The following SAMD9 variants were observed in gnomAD, a reference collection of about 807,000 sequenced individuals.
The protein encoded by SAMD9 is sterile alpha motif domain-containing protein 9.
Under a neutral mutation model 1.5 loss-of-function variants are expected in SAMD9, and 3 were observed. The observed-to-expected ratio is 2.05, with a 90% CI of 0.93 to 5.29. The LOEUF (loss-of-function observed/expected upper bound fraction) is 5.29. Among genes scored for constraint, SAMD9 ranks in the 30% most tolerant of loss-of-function variants. The pLI, the probability that SAMD9 is intolerant of heterozygous loss-of-function variation, is 0.02. For synonymous variants in SAMD9, 635 were observed against 631.9 expected (o/e 1.00, Z -0.07); for missense variants, 1,597 against 1,820.8 (o/e 0.88, Z 2.24).
Position 93,106,015 on chromosome 7 carries a change from A to G in SAMD9, c.83T>C (p.Ile28Thr), listed in dbSNP as rs776674692. The G allele has an allele frequency of 2.3e-5, 37 of 1,594,610 alleles. No individual in the cohort carries two copies. The highest frequency in any genetic ancestry group is 3.4e-4 in the Middle Eastern group (2 of 5,956). The change falls in exon 3 of 3, where the codon ATT (isoleucine) becomes ACT (threonine). Residue 28 changes from isoleucine (I) to threonine (T), a missense_variant. Coordinates refer to ENST00000379958, the MANE Select transcript of SAMD9 (RefSeq NM_017654.4). ...CAAAATTTCCCTGTGTTTTTGGTCA[A>G]TCTTATGACTTTCTAACCACTGATT... Reference protein sequence around the residue: ...DVNQWLESHKIDQKHREILTE... With the variant: ...DVNQWLESHKTDQKHREILTE...
rs555431592 is a variant in SAMD9 at position 93,101,805 on chromosome 7, C to T, written c.4293G>A (p.Pro1431=). ...PIGLTYQFSE[P]YFLASLLFWP... Reference sequence around the variant, plus strand: ...AGAATAAGAGGGAAGCTAGAAAATACGGTTCTGAAAACTGATAAGTCAGTC... The same window carrying T: ...AGAATAAGAGGGAAGCTAGAAAATATGGTTCTGAAAACTGATAAGTCAGTC... Residue 1431 remains proline (P), a synonymous_variant, in exon 3 of 3, where the codon CCG becomes CCA. Coordinates refer to ENST00000379958, the MANE Select transcript of SAMD9 (RefSeq NM_017654.4). 5.9e-5 allele frequency: 95 copies of T among 1,613,692 alleles called. No individual in the cohort carries two copies. The highest frequency in any genetic ancestry group is 3.8e-4 in the East Asian group (17 of 44,864).
chr7:93,108,532 G>T (rs752410207), intron 2 of SAMD9, among the ~76,000 whole-genome samples: 1 of 152,084 alleles, frequency 6.6e-6, no homozygotes, highest in African/African-American at 2.4e-5. Flanking sequence ...TCAAGGGGTC[G>T]GAGAATTCCC....
rs142131920 is a variant in SAMD9 at position 93,105,519 on chromosome 7, C to A, written c.579G>T (p.Pro193=). Residue 193 remains proline (P), a synonymous_variant, in exon 3 of 3, where the codon CCG becomes CCT. Transcript: ENST00000379958. ...PETGPGNLID[P]IHEFKAFTNT... is the part of the protein sequence containing the mutation. ...TTGTGAAGGCTTTGAATTCATGTAT[C>A]GGATCAATGAGATTGCCTGGTCCTG... 9 of 1,613,918 alleles carry A rather than the reference C, an allele frequency of 5.6e-6. No homozygotes were observed. In the East Asian group the frequency reaches 2.0e-4, roughly 36 times the overall value.
At position 93,103,607 on chromosome 7, in the gene SAMD9, T is replaced by C. The variant is rs1315086645; in HGVS notation, c.2491A>G (p.Ile831Val). 2 of 1,613,484 alleles carry C rather than the reference T, an allele frequency of 1.2e-6. No homozygotes were observed. Among genetic ancestry groups the C allele is most frequent in the Non-Finnish European group, 1.7e-6 (2 of 1,179,658 alleles). The change falls in exon 3 of 3, where the codon ATT (isoleucine) becomes GTT (valine). Residue 831 changes from isoleucine (I) to valine (V), a missense_variant. Physicochemically the swap from Ile to Val is conservative, Grantham distance 29. This residue lies in a region of SAMD9 where 55 missense variants were observed against 58.6 expected (regional missense o/e 0.94). Coordinates refer to ENST00000379958, the MANE Select transcript of SAMD9 (RefSeq NM_017654.4). ...TGTGATCTCATACAATTTAGGATAA[T>C]CACCAGAGGTTTTTCATATCGAATG... ...KYIRYEKPLV[I>V]ILNCMRSQNP...
intron 2 of SAMD9, among the ~76,000 whole-genome samples, chr7:93,111,882 A>C (rs560216846): frequency 1.1e-4 from 16 of 152,338 alleles, no homozygotes; most frequent in African/African-American, 3.6e-4. Context: ...CAGAGGTACA[A>C]AGAGGAGCTG....
At chr7:93,109,612 A>G (rs979970334) in intron 2 of SAMD9, among the ~76,000 whole-genome samples, 1 of 152,230 alleles carries the variant, frequency 6.6e-6, no homozygotes, top group South Asian at 2.1e-4. Context: ...AAGACCTTAA[A>G]TGACCTGATG....
At chr7:93,107,284 T>C (rs1791662123) in intron 2 of SAMD9, among the ~76,000 whole-genome samples, 1 of 152,214 alleles carries the variant, frequency 6.6e-6, no homozygotes, top group Non-Finnish European at 1.5e-5. Context: ...TTCTGTTCCA[T>C]GTCATCTGGA....
At chr7:93,109,366 G>A (rs897379769) in intron 2 of SAMD9, among the ~76,000 whole-genome samples, 1 of 152,170 alleles carries the variant, frequency 6.6e-6, no homozygotes, top group African/African-American at 2.4e-5. Context: ...GAGCAGAAAA[G>A]CTGAAAATTC....
intron 1 of SAMD9, among the ~76,000 whole-genome samples, chr7:93,115,324 T>C (rs1562780044): frequency 6.6e-6 from 1 of 152,212 alleles, no homozygotes; most frequent in Non-Finnish European, 1.5e-5. Flanking sequence ...TATCAGTTTT[T>C]GTGAAGTTAA....
Position 93,106,085 on chromosome 7 carries a change from G to T in SAMD9, c.13C>A (p.Leu5Ile), listed in dbSNP as rs781032261. 2.3e-5 allele frequency: 37 copies of T among 1,590,662 alleles called. No individual in the cohort carries two copies. In the African/African-American group the frequency reaches 4.9e-4, roughly 21 times the overall value. MAKQ[L>I]NLPENTDDWT... Reference sequence around the variant, plus strand: ...TCATCTGTATTTTCTGGAAGGTTAAGTTGCTTTGCCATTCTGATACCTATA... The same window carrying T: ...TCATCTGTATTTTCTGGAAGGTTAATTTGCTTTGCCATTCTGATACCTATA... The change falls in exon 3 of 3, where the codon CTT (leucine) becomes ATT (isoleucine). Residue 5 changes from leucine (L) to isoleucine (I), a missense_variant. Transcript: ENST00000379958.
Position 93,103,842 on chromosome 7 carries a change from C to G in SAMD9, c.2256G>C (p.Trp752Cys), listed in dbSNP as rs1378693567. ...GGTTLAMHIL[W>C]ELRKKFRCAV... is the part of the protein sequence containing the mutation. ...CACATCTGAATTTCTTCCTTAGTTC[C>G]CAGAGAATGTGCATAGCCAAGGTAG... Residue 752 changes from tryptophan (W) to cysteine (C), a missense_variant, in exon 3 of 3, where the codon TGG (tryptophan) becomes TGC (cysteine). Trp to Cys is a radical substitution (Grantham distance 215). Coordinates refer to ENST00000379958, the MANE Select transcript of SAMD9 (RefSeq NM_017654.4). The G allele has an allele frequency of 1.2e-5, 20 of 1,613,766 alleles. No homozygotes were observed. Among genetic ancestry groups the G allele is most frequent in the South Asian group, 6.6e-5 (6 of 91,080 alleles).
In SAMD9 at chr7:93,103,379, C is replaced by T. The variant is rs745326169; in HGVS notation, c.2719G>A (p.Gly907Arg). 2.5e-6 allele frequency: 4 copies of T among 1,613,268 alleles called. No homozygotes were observed. The East Asian group carries it at 6.7e-5, about 27-fold the overall frequency. Reference sequence around the variant, plus strand: ...GCTTCCTTGGTGAAAATATTCTGCCCTTTCAGGATATTCCGGACCACATTT... The same window carrying T: ...GCTTCCTTGGTGAAAATATTCTGCCTTTTCAGGATATTCCGGACCACATTT... ...IENVVRNILKGQNIFTKEAKL... is the reference protein window; with the variant it reads ...IENVVRNILKRQNIFTKEAKL... The change falls in exon 3 of 3, where the codon GGG (glycine) becomes AGG (arginine). Residue 907 changes from glycine to arginine, a missense_variant. Gly to Arg is a moderately radical substitution (Grantham distance 125, BLOSUM62 -2). Coordinates refer to ENST00000379958, the MANE Select transcript of SAMD9 (RefSeq NM_017654.4).
intron 2 of SAMD9, among the ~76,000 whole-genome samples, chr7:93,112,601 A>G (rs1791764286): frequency 6.6e-6 from 1 of 152,252 alleles, no homozygotes; most frequent in African/African-American, 2.4e-5. Context: ...TAGCTTCAGC[A>G]AAGTCTCAGG....
intron 2 of SAMD9, among the ~76,000 whole-genome samples, chr7:93,112,331 G>C (rs575287480): frequency 6.6e-6 from 1 of 152,072 alleles, no homozygotes; most frequent in South Asian, 2.1e-4. Flanking sequence ...TATTTATGAC[G>C]AACCCACAGC....
chr7:93,116,425 A>G (rs144631220), intron 1 of SAMD9, among the ~76,000 whole-genome samples: 4 of 152,204 alleles, frequency 2.6e-5, no homozygotes, highest in African/African-American at 9.6e-5. Flanking sequence ...AGACACTATG[A>G]ATATTTCAAA....
intron 2 of SAMD9, among the ~76,000 whole-genome samples, chr7:93,113,869 A>G (rs1050807459): frequency 1.3e-5 from 2 of 152,236 alleles, no homozygotes; most frequent in Admixed American, 1.3e-4. Flanking sequence ...AACTAGTTCA[A>G]CCATTGTGGA....
Position 93,101,993 on chromosome 7 carries a change from A to G in SAMD9, c.4105T>C (p.Tyr1369His), listed in dbSNP as rs760164618. 3.1e-6 allele frequency: 5 copies of G among 1,613,772 alleles called. No individual in the cohort carries two copies. Among genetic ancestry groups the G allele is most frequent in the Non-Finnish European group, 4.2e-6 (5 of 1,179,760 alleles). ...GTGCATTGTTCTAAGAGAAAAGTAT[A>G]TTCGTTCACTATACATTTCATAGTG... ...ISTMKCIVNE[Y>H]TFLLEQCTVK... The change falls in exon 3 of 3, where the codon TAT becomes CAT. Residue 1369 changes from tyrosine (Y) to histidine (H), a missense_variant. This residue lies in a region of SAMD9 where 682 missense variants were observed against 810.0 expected (regional missense o/e 0.84). Transcript: ENST00000379958.
At position 93,103,145 on chromosome 7, in the gene SAMD9, G is replaced by A; in HGVS notation, c.2953C>T (p.His985Tyr). 1.2e-6 allele frequency: 2 copies of A among 1,613,776 alleles called. No individual in the cohort carries two copies. The highest frequency in any genetic ancestry group is 1.7e-6 in the Non-Finnish European group (2 of 1,179,740). The part of the protein sequence containing the change: ...CGNYCGVRII[H>Y]SLIAEFSLEE... ...AGTGAGAACTCTGCAATCAAAGAGT[G>A]AATGATGCGTACTCCACAGTAGTTC... The change falls in exon 3 of 3, where the codon CAC (histidine) becomes TAC (tyrosine). Residue 985 changes from histidine to tyrosine, a missense_variant. Around this residue, in one of 6 missense-constraint regions of SAMD9, gnomAD observed 682 missense variants for 810.0 expected, o/e 0.84. Coordinates refer to ENST00000379958, the MANE Select transcript of SAMD9 (RefSeq NM_017654.4).
At position 93,101,161 on chromosome 7, in the gene SAMD9, C is replaced by T; in HGVS notation, c.*167G>A. 1.5e-6 allele frequency: 1 copy of T among 662,232 alleles called. No homozygotes were observed. The highest frequency in any genetic ancestry group is 1.8e-5 in the South Asian group (1 of 56,730). 41.0% of individuals were successfully genotyped at this position (662,232 alleles called of 1,614,324 possible). On this transcript the variant is annotated 3_prime_UTR_variant, in exon 3 of 3. Transcript: ENST00000379958. ...TCACTCCTTCCTTTTTCACTATTGTCTTTGTAGAACTCATAACATGTTTAA... is the reference window on the plus strand; with the variant it reads ...TCACTCCTTCCTTTTTCACTATTGTTTTTGTAGAACTCATAACATGTTTAA...
Sources: allele counts gnomAD v4.1 joint callset (sites outside exome capture counted in the v4.1 genomes callset), GRCh38; gene constraint gnomAD v4.1.1; regional missense constraint gnomAD v4.1.1; transcripts MANE v1.5; gene names NCBI Gene and HGNC (gene_info 2026-07-23, HGNC 2026-07-21).